The following SLIT1 variants were observed in gnomAD, a reference collection of about 807,000 sequenced individuals.
The protein encoded by SLIT1 is slit guidance ligand 1, also known as slit homolog 1 protein.
Under a neutral mutation model 186.1 loss-of-function variants are expected in SLIT1, and 66 were observed. That is an observed-to-expected ratio of 0.35 (90% CI 0.29 to 0.44). The LOEUF (loss-of-function observed/expected upper bound fraction) is 0.44, where lower values mean the gene tolerates loss of function less well. Among genes scored for constraint, SLIT1 ranks in the 20% least tolerant of loss-of-function variants. SLIT1 has a pLI of 1.00. For synonymous variants in SLIT1, 761 were observed against 833.8 expected, an observed-to-expected ratio of 0.91 and a Z score of 1.50; for missense variants, 1,638 against 2,037.4, an observed-to-expected ratio of 0.80 and a Z score of 3.77.
intron 4 of SLIT1, among the ~76,000 whole-genome samples, chr10:97,072,332 A>C (rs542769595): frequency 1.3e-5 from 2 of 152,044 alleles, no homozygotes; most frequent in Admixed American, 6.6e-5. Context: ...CTAATTTTTT[A>C]AAAAATATTT....
intron 28 of SLIT1, among the ~76,000 whole-genome samples, chr10:97,016,351 T>C (rs1249180032): frequency 6.6e-6 from 1 of 152,166 alleles, no homozygotes; most frequent in Non-Finnish European, 1.5e-5. Flanking sequence ...TTAGATTGCA[T>C]TGGAGAATGA....
chr10:97,166,560 A>AAGGAAGGAAGGAAG (rs751539002), intron 1 of SLIT1, among the ~76,000 whole-genome samples: 1 of 46,728 alleles, frequency 2.1e-5, no homozygotes, highest in African/African-American at 7.5e-5. Context: ...GGAAGGAAAG[A>AAGGAAGGAAGGAAG]GAGAGAGAGA....
intron 1 of SLIT1, among the ~76,000 whole-genome samples, chr10:97,171,980 C>A (rs1850195496): frequency 6.6e-6 from 1 of 152,114 alleles, no homozygotes; most frequent in African/African-American, 2.4e-5. Context: ...GGCAAACCTT[C>A]TTATCACAGG....
At chr10:97,136,247 C>T (rs1265234728) in intron 4 of SLIT1, among the ~76,000 whole-genome samples, 2 of 152,020 alleles carry the variant, frequency 1.3e-5, no homozygotes, top group Admixed American at 6.6e-5. Flanking sequence ...AGGCTGTACC[C>T]GTGGGAGGGC....
intron 1 of SLIT1, among the ~76,000 whole-genome samples, chr10:97,179,724 G>A (rs1840408980): frequency 6.6e-6 from 1 of 151,840 alleles, no homozygotes; most frequent in African/African-American, 2.4e-5. Flanking sequence ...CTGTCTGTCC[G>A]CCACAGGCTG....
chr10:97,073,641 C>G (rs1241721575), intron 4 of SLIT1, among the ~76,000 whole-genome samples: 1 of 152,106 alleles, frequency 6.6e-6, no homozygotes, highest in East Asian at 1.9e-4. Context: ...CTGACAAGCA[C>G]CTGGGGGATG....
chr10:97,133,114 G>A (rs2817710), intron 4 of SLIT1, among the ~76,000 whole-genome samples: 74,853 of 151,980 alleles, frequency 0.49, 20,863 homozygotes, highest in South Asian at 0.63. Flanking sequence ...CCACCCCAGC[G>A]TCCATCCACA....
intron 1 of SLIT1, among the ~76,000 whole-genome samples, chr10:97,174,092 T>G (rs1564694943): frequency 6.6e-6 from 1 of 152,158 alleles, no homozygotes; most frequent in Non-Finnish European, 1.5e-5. Flanking sequence ...GCTTCAGGCC[T>G]CCAGTCAAAC....
intron 4 of SLIT1, among the ~76,000 whole-genome samples, chr10:97,082,266 T>A (rs1345368306): frequency 6.6e-6 from 1 of 152,244 alleles, no homozygotes; most frequent in East Asian, 1.9e-4. Context: ...ACATGAATGA[T>A]TGTGACTGGC....
At chr10:97,117,843 G>A (rs1238475515) in intron 4 of SLIT1, among the ~76,000 whole-genome samples, 1 of 152,144 alleles carries the variant, frequency 6.6e-6, no homozygotes, top group East Asian at 1.9e-4. Flanking sequence ...GTCACTGCCG[G>A]CTCTTATATT....
Position 97,048,938 on chromosome 10 carries a change from G to A in SLIT1, c.1465+17C>T. 6.2e-7 allele frequency: 1 copy of A among 1,602,334 alleles called. No homozygotes were observed. The highest frequency in any genetic ancestry group is 1.3e-5 in the African/African-American group (1 of 74,966). On this transcript the variant is annotated intron_variant, in intron 14 of 36. Coordinates refer to ENST00000266058, the MANE Select transcript of SLIT1 (RefSeq NM_003061.3). ...AGGTAGGTGGACAGGTGGGCAGGTG[G>A]GCAGGCGGGCAGGTACCTGAGCACC...
chr10:97,059,636 G>T, intron 10 of SLIT1, 105 bp from the exon 11 acceptor site: 1 of 837,424 alleles, frequency 1.2e-6, no homozygotes. Flanking sequence ...AGGGTGGAGT[G>T]CTTTGAAATG....
intron 1 of SLIT1, among the ~76,000 whole-genome samples, chr10:97,174,650 T>C (rs1007204866): frequency 2.0e-5 from 3 of 152,192 alleles, no homozygotes; most frequent in African/African-American, 4.8e-5. Flanking sequence ...GCTGGAGAAA[T>C]AGCAATTGCT....
At chr10:97,139,613 G>A (rs1849738005) in intron 4 of SLIT1, among the ~76,000 whole-genome samples, 1 of 152,170 alleles carries the variant, frequency 6.6e-6, no homozygotes. Flanking sequence ...GAACCTCATG[G>A]AAGCTGTAAA....
At chr10:97,096,747 G>C (rs1398951074) in intron 4 of SLIT1, among the ~76,000 whole-genome samples, 4 of 152,028 alleles carry the variant, frequency 2.6e-5, no homozygotes, top group African/African-American at 9.7e-5. Flanking sequence ...AGGGGCCAGC[G>C]GTTTTCTCAC....
chr10:97,011,249 A>T, intron 30 of SLIT1, 119 bp from the exon 31 acceptor site: 2 of 718,592 alleles, frequency 2.8e-6, no homozygotes, highest in South Asian at 1.7e-5. Context: ...CTCAAGTTCC[A>T]TTGAGGCTGT....
At chr10:97,153,810 G>A (rs1849910777) in intron 4 of SLIT1, 1 of 152,274 alleles carries the variant, frequency 6.6e-6, no homozygotes, top group African/African-American at 2.4e-5. Context: ...TGCTGCTGAT[G>A]ATCCTAGAAC....
At chr10:97,106,407 C>CGAATGAAT (rs756204123) in intron 4 of SLIT1, among the ~76,000 whole-genome samples, 5 of 74,066 alleles carry the variant, frequency 6.8e-5, no homozygotes, top group African/African-American at 1.4e-4. Flanking sequence ...AATGAATGAA[C>CGAATGAAT]GAATGAATGA....
chr10:97,057,063 C>T (rs2134634137), intron 12 of SLIT1, 147 bp downstream of exon 12: 3 of 627,062 alleles, frequency 4.8e-6, no homozygotes, highest in Admixed American at 5.8e-5. Flanking sequence ...GAGACTTTCT[C>T]AGCCCTAGTG....
Sources: gnomAD v4.1 joint callset for allele counts (sites outside exome capture counted in the v4.1 genomes callset) on GRCh38, gnomAD v4.1.1 for gene constraint, MANE v1.5 for transcripts, NCBI Gene and HGNC (gene_info 2026-07-23, HGNC 2026-07-21) for gene names.